The following RAD51B variants were observed in gnomAD, a reference collection of about 807,000 sequenced individuals.
RAD51B encodes RAD51 paralog B.
RAD51B carries 38 observed loss-of-function variants against 42.2 expected under a neutral mutation model. The ratio of observed to expected loss-of-function variants is 0.90; its 90% CI spans 0.70 to 1.18. RAD51B has a LOEUF of 1.18. Ranked by LOEUF, RAD51B falls within the 50% of genes most tolerant of loss-of-function variation. The probability of loss-of-function intolerance (pLI) is 0.00; values close to 1 mark genes in which losing one functional copy is unlikely to be tolerated. For synonymous variants in RAD51B, 154 were observed against 145.2 expected, an observed-to-expected ratio of 1.06 and a Z score of -0.43; for missense variants, 373 against 400.7, an observed-to-expected ratio of 0.93 and a Z score of 0.59.
At chr14:68,038,082 A>G (rs2076161643) in intron 7 of RAD51B, among the ~76,000 whole-genome samples, 1 of 152,186 alleles carries the variant, frequency 6.6e-6, no homozygotes, top group Non-Finnish European at 1.5e-5. Flanking sequence ...AAGTCTTTAA[A>G]AGTATTATTT....
At chr14:68,415,895 C>G (rs1336139207) in intron 9 of RAD51B, among the ~76,000 whole-genome samples, 1 of 152,120 alleles carries the variant, frequency 6.6e-6, no homozygotes, top group Non-Finnish European at 1.5e-5. Flanking sequence ...TAAATGAATC[C>G]TGACTAAGCC....
chr14:68,638,681 G>A (rs901216484), intron 10 of RAD51B, among the ~76,000 whole-genome samples: 1 of 152,072 alleles, frequency 6.6e-6, no homozygotes, highest in Non-Finnish European at 1.5e-5. Flanking sequence ...GAGAGCTGAC[G>A]GTCCAGTGGG....
rs1009738171 is a variant in RAD51B, at chr14:68,180,721, G to A, written c.757-111163G>A. Among the ~76,000 whole-genome samples, 9 of 152,252 alleles carry A rather than the reference G, an allele frequency of 5.9e-5. No homozygotes were observed. The South Asian group carries it at 1.2e-3, about 21-fold the overall frequency. ...TAAGTAGCTGGGAATGGAGAAAGAC[G>A]GCGAGCAGATGTATAGAATGCACTG... On this transcript the variant is annotated intron_variant, in intron 7 of 10. Coordinates refer to ENST00000471583, the MANE Select transcript of RAD51B (RefSeq NM_133510.4).
intron 8 of RAD51B, among the ~76,000 whole-genome samples, chr14:68,313,676 CAT>C (rs2082004398): frequency 6.6e-6 from 1 of 152,206 alleles, no homozygotes; most frequent in Non-Finnish European, 1.5e-5. Flanking sequence ...CTCAGGACCA[CAT>C]GTCATCCTAT....
At chr14:68,085,987 C>T (rs146398867) in intron 7 of RAD51B, among the ~76,000 whole-genome samples, 2 of 152,280 alleles carry the variant, frequency 1.3e-5, no homozygotes, top group Non-Finnish European at 2.9e-5. Flanking sequence ...TTAGTTTTGC[C>T]GTCTGTAGGC....
intron 7 of RAD51B, among the ~76,000 whole-genome samples, chr14:68,139,924 C>T (rs367675982): frequency 5.3e-5 from 8 of 152,210 alleles, no homozygotes; most frequent in South Asian, 4.1e-4. Flanking sequence ...TGGTTTGAAA[C>T]GTTGAAAGCC....
At chr14:68,496,194 G>A (rs974124120) in intron 10 of RAD51B, among the ~76,000 whole-genome samples, 1 of 152,202 alleles carries the variant, frequency 6.6e-6, no homozygotes, top group Non-Finnish European at 1.5e-5. Flanking sequence ...GCTACTGACA[G>A]GATGAAGGAA....
chr14:68,678,848 A>G (rs1893366963), intron 11 of RAD51B, among the ~76,000 whole-genome samples: 1 of 152,178 alleles, frequency 6.6e-6, no homozygotes, highest in African/African-American at 2.4e-5. Flanking sequence ...ATTATCTCCA[A>G]TTATCAGTGA....
At chr14:67,832,251 C>T (rs1209195199) in intron 3 of RAD51B, among the ~76,000 whole-genome samples, 2 of 152,210 alleles carry the variant, frequency 1.3e-5, no homozygotes, top group African/African-American at 4.8e-5. Context: ...GCTGGGATTA[C>T]AGGCATGAGC....
At chr14:68,260,297 C>CTGTGTGTG (rs763590538) in intron 7 of RAD51B, among the ~76,000 whole-genome samples, 3 of 18,168 alleles carry the variant, frequency 1.7e-4, no homozygotes, top group African/African-American at 7.6e-4. Flanking sequence ...GGCTGAGAGA[C>CTGTGTGTG]CGTGTGTGTG....
chr14:68,201,515 G>A (rs1046945767), intron 7 of RAD51B, among the ~76,000 whole-genome samples: 3 of 152,102 alleles, frequency 2.0e-5, no homozygotes, highest in Non-Finnish European at 4.4e-5. Context: ...ACTTTCCCAG[G>A]GAATACTCTT....
intron 8 of RAD51B, among the ~76,000 whole-genome samples, chr14:68,303,916 T>C (rs1174177749): frequency 6.6e-6 from 1 of 152,200 alleles, no homozygotes; most frequent in Non-Finnish European, 1.5e-5. Flanking sequence ...ATACCTATAA[T>C]CCCAGCACTT....
chr14:68,173,766 A>G (rs1403014553), intron 7 of RAD51B, among the ~76,000 whole-genome samples: 1 of 152,210 alleles, frequency 6.6e-6, no homozygotes, highest in Non-Finnish European at 1.5e-5. Flanking sequence ...AACTGCACAG[A>G]TAAATGTTTA....
At chr14:67,829,737 A>C (rs1457254829) in intron 3 of RAD51B, among the ~76,000 whole-genome samples, 1 of 152,172 alleles carries the variant, frequency 6.6e-6, no homozygotes, top group Non-Finnish European at 1.5e-5. Context: ...TTTGTCAGGC[A>C]CCAAGGCTAT....
chr14:68,024,691 T>A (rs779963295), intron 7 of RAD51B, among the ~76,000 whole-genome samples: 31 of 152,180 alleles, frequency 2.0e-4, no homozygotes, highest in Non-Finnish European at 3.5e-4. Context: ...TGATTTTTTT[T>A]AAAATCCTGA....
intron 4 of RAD51B, among the ~76,000 whole-genome samples, chr14:67,861,628 A>G (rs2042166875): frequency 6.6e-6 from 1 of 152,058 alleles, no homozygotes; most frequent in South Asian, 2.1e-4. Context: ...ATGAAAAGAC[A>G]AGAGATGTCA....
chr14:67,938,018 A>T (rs551400749), intron 7 of RAD51B, among the ~76,000 whole-genome samples: 2 of 152,130 alleles, frequency 1.3e-5, no homozygotes, highest in South Asian at 4.1e-4. Flanking sequence ...TGGATTCTTG[A>T]CCGAGGCTTT....
chr14:68,490,069 G>C (rs1244458651), intron 10 of RAD51B, among the ~76,000 whole-genome samples: 1 of 152,192 alleles, frequency 6.6e-6, no homozygotes, highest in Non-Finnish European at 1.5e-5. Flanking sequence ...TTTTAAACTT[G>C]TAAGATCCAA....
Position 68,477,523 on chromosome 14 carries a change from G to A in RAD51B, c.1037-125G>A, listed in dbSNP as rs1882763296. The A allele has an allele frequency of 3.4e-6, 4 of 1,175,440 alleles. No homozygotes were observed. The East Asian group carries it at 1.0e-4, about 30-fold the overall frequency. 72.8% of individuals were successfully genotyped at this position (1,175,440 alleles called of 1,614,324 possible). ...GGTTTGCAAGGCCAGTGGCTCTGTGGGCAATACGTATGAAAGAGGACTGCT... is the reference window on the plus strand; with the variant it reads ...GGTTTGCAAGGCCAGTGGCTCTGTGAGCAATACGTATGAAAGAGGACTGCT... On this transcript the variant is annotated intron_variant, in intron 10 of 10. Transcript: ENST00000471583.
Sources: gnomAD v4.1 joint callset for allele counts (sites outside exome capture counted in the v4.1 genomes callset) on GRCh38, gnomAD v4.1.1 for gene constraint, MANE v1.5 for transcripts, NCBI Gene and HGNC (gene_info 2026-07-23, HGNC 2026-07-21) for gene names.